CCSER1: variants seen among roughly 807,000 people sequenced by gnomAD.
The protein encoded by CCSER1 is serine-rich coiled-coil domain-containing protein 1.
Under a neutral mutation model 82.0 loss-of-function variants are expected in CCSER1, and 41 were observed. The observed-to-expected ratio is 0.50, with a 90% CI of 0.39 to 0.65. The LOEUF (loss-of-function observed/expected upper bound fraction) is 0.65, where lower values mean the gene tolerates loss of function less well. Ranked by LOEUF, CCSER1 falls within the 30% of genes least tolerant of loss-of-function variation. The pLI, the probability that CCSER1 is intolerant of heterozygous loss-of-function variation, is 0.00. For synonymous variants in CCSER1, 414 were observed against 383.9 expected (o/e 1.08, Z -0.92); for missense variants, 1,119 against 1,064.2 (o/e 1.05, Z -0.72).
At chr4:90,786,622 C>T (rs2149638133) in intron 7 of CCSER1, among the ~76,000 whole-genome samples, 1 of 152,126 alleles carries the variant, frequency 6.6e-6, no homozygotes, top group South Asian at 2.1e-4. Flanking sequence ...GTGTATTTTC[C>T]ATTTACCACA....
intron 5 of CCSER1, among the ~76,000 whole-genome samples, chr4:90,492,303 A>G (rs970262884): frequency 2.6e-5 from 4 of 152,102 alleles, no homozygotes; most frequent in African/African-American, 9.7e-5. Context: ...GTTGGTTTGC[A>G]TAGAGGTGTT....
intron 6 of CCSER1, among the ~76,000 whole-genome samples, chr4:90,707,635 A>T (rs1463546057): frequency 1.3e-5 from 2 of 151,982 alleles, no homozygotes; most frequent in African/African-American, 4.8e-5. Flanking sequence ...TGTTATAATC[A>T]CTTTGGAGTG....
chr4:91,440,717 C>T (rs1755063332), intron 10 of CCSER1, among the ~76,000 whole-genome samples: 1 of 151,926 alleles, frequency 6.6e-6, no homozygotes, highest in Non-Finnish European at 1.5e-5. Context: ...ATTGATAGAC[C>T]ACTAGCAAGA....
intron 5 of CCSER1, among the ~76,000 whole-genome samples, chr4:90,484,497 G>T (rs1766653193): frequency 6.6e-6 from 1 of 152,114 alleles, no homozygotes; most frequent in African/African-American, 2.4e-5. Context: ...CCCCATCTTT[G>T]TGGTTTTATC....
chr4:91,296,758 T>C (rs1236891472), intron 10 of CCSER1, among the ~76,000 whole-genome samples: 1 of 151,124 alleles, frequency 6.6e-6, no homozygotes, highest in Non-Finnish European at 1.5e-5. Flanking sequence ...ACATTGTAAA[T>C]CACTGACAAG....
At chr4:90,761,899 G>C (rs192543512) in intron 7 of CCSER1, among the ~76,000 whole-genome samples, 36 of 152,130 alleles carry the variant, frequency 2.4e-4, no homozygotes, top group Middle Eastern at 6.8e-3. Context: ...GCTGATTTCT[G>C]TAGCCATTTC....
rs530768303 is a variant in CCSER1 at position 91,036,897 on chromosome 4, G to A, written c.2173-49053G>A. ...AGTTCGAGACCAGTCTGGCCAACAT[G>A]GTGAAACCCGTGTCTACTAAAAATA... is the stretch of plus-strand genomic sequence containing the variant. On this transcript the variant is annotated intron_variant, in intron 9 of 10. Transcript: ENST00000509176. 1.2e-4 allele frequency among the ~76,000 whole-genome samples: 19 copies of A among 152,036 alleles called. 1 individual carries two copies. The highest frequency in any genetic ancestry group is 4.6e-4 in the African/African-American group (19 of 41,478).
At chr4:91,039,026 T>A (rs1741688990) in intron 9 of CCSER1, among the ~76,000 whole-genome samples, 1 of 152,124 alleles carries the variant, frequency 6.6e-6, no homozygotes, top group Admixed American at 6.6e-5. Flanking sequence ...TACATATTCC[T>A]TTTTTGAATT....
chr4:90,515,703 CTAT>C (rs1772173610), intron 5 of CCSER1, among the ~76,000 whole-genome samples: 1 of 152,084 alleles, frequency 6.6e-6, no homozygotes, highest in Non-Finnish European at 1.5e-5. Flanking sequence ...GTGATAGGTT[CTAT>C]TATTATCTTC....
chr4:91,422,855 G>C (rs1753756416), intron 10 of CCSER1, among the ~76,000 whole-genome samples: 1 of 152,120 alleles, frequency 6.6e-6, no homozygotes, highest in South Asian at 2.1e-4. Context: ...AAAGCAGCTG[G>C]TGTTAGCAAT....
In CCSER1 at chr4:90,693,682, T is replaced by C. The variant is rs186390315; in HGVS notation, c.1933-30232T>C. On this transcript the variant is annotated intron_variant, in intron 6 of 10. Coordinates refer to ENST00000509176, the MANE Select transcript of CCSER1 (RefSeq NM_001145065.2). ...CTTGTCAATTCTGTAAATAATTCAT[T>C]GTGTAACCTATGAAAAACTCTCCAA... 2.5e-4 allele frequency among the ~76,000 whole-genome samples: 38 copies of C among 152,074 alleles called. No individual in the cohort carries two copies. The East Asian group carries it at 7.0e-3, about 28-fold the overall frequency.
intron 8 of CCSER1, among the ~76,000 whole-genome samples, chr4:90,864,042 A>G (rs1210511948): frequency 1.4e-5 from 2 of 146,410 alleles, no homozygotes; most frequent in Admixed American, 1.4e-4. Context: ...GTGCTCTAAT[A>G]TCACTTTCTT....
chr4:91,149,923 G>T (rs1004823721), intron 10 of CCSER1, among the ~76,000 whole-genome samples: 1 of 152,124 alleles, frequency 6.6e-6, no homozygotes, highest in Admixed American at 6.5e-5. Context: ...GATGCCTCCA[G>T]CTTTGTTCTT....
intron 5 of CCSER1, among the ~76,000 whole-genome samples, chr4:90,564,185 C>T (rs1779111780): frequency 6.6e-6 from 1 of 151,994 alleles, no homozygotes; most frequent in Non-Finnish European, 1.5e-5. Flanking sequence ...AGATCTTGCT[C>T]TGTTGTCCAG....
chr4:91,162,189 C>A (rs953750976), intron 10 of CCSER1, among the ~76,000 whole-genome samples: 1 of 151,074 alleles, frequency 6.6e-6, no homozygotes, highest in African/African-American at 2.5e-5. Flanking sequence ...CTGAGATAAT[C>A]ATGTGGTTTT....
chr4:90,778,381 A>C (rs1753232997), intron 7 of CCSER1, among the ~76,000 whole-genome samples: 1 of 152,188 alleles, frequency 6.6e-6, no homozygotes, highest in African/African-American at 2.4e-5. Context: ...ATTAATTTGA[A>C]AATAGAATGT....
intron 10 of CCSER1, among the ~76,000 whole-genome samples, chr4:91,166,115 T>C (rs1364734383): frequency 1.3e-5 from 2 of 152,234 alleles, no homozygotes; most frequent in Admixed American, 6.5e-5. Flanking sequence ...GTTACAGTTT[T>C]ATGAGTTACA....
intron 7 of CCSER1, among the ~76,000 whole-genome samples, chr4:90,771,248 ATAT>A (rs773997969): frequency 2.6e-5 from 4 of 152,026 alleles, no homozygotes; most frequent in Non-Finnish European, 5.9e-5. Context: ...AAAATATGAA[ATAT>A]TATTTTTCAT....
Position 90,627,213 on chromosome 4 carries a change from G to A in CCSER1, c.1725-812G>A, listed in dbSNP as rs543666828. Among the ~76,000 whole-genome samples the A allele has an allele frequency of 1.2e-4, 18 of 152,186 alleles. No homozygotes were observed. In the South Asian group the frequency reaches 3.7e-3, roughly 32 times the overall value. On this transcript the variant is annotated intron_variant, in intron 5 of 10. Coordinates refer to ENST00000509176, the MANE Select transcript of CCSER1 (RefSeq NM_001145065.2). Reference sequence around the variant, plus strand: ...AAACAGTTGAATATTATTCAAAAATGTGTTTACTAATTATCTAGTAATTTA... The same window carrying A: ...AAACAGTTGAATATTATTCAAAAATATGTTTACTAATTATCTAGTAATTTA...
Sources: allele counts gnomAD v4.1 joint callset (sites outside exome capture counted in the v4.1 genomes callset), GRCh38; gene constraint gnomAD v4.1.1; transcripts MANE v1.5; gene names NCBI Gene and HGNC (gene_info 2026-07-23, HGNC 2026-07-21).